LYPLA1: variants seen among roughly 807,000 people sequenced by gnomAD.
LYPLA1 encodes acyl-protein thioesterase 1.
In LYPLA1, 17 loss-of-function variants were observed where a neutral mutation model predicts 34.0. That is an observed-to-expected ratio of 0.50 (90% CI 0.34 to 0.75). The LOEUF (loss-of-function observed/expected upper bound fraction) is 0.75. Ranked by LOEUF, LYPLA1 falls within the 30% of genes least tolerant of loss-of-function variation. LYPLA1 has a pLI of 0.01. For missense variants in LYPLA1, 203 were observed against 288.8 expected (o/e 0.70, Z 2.15); for synonymous variants, 98 against 100.8 (o/e 0.97, Z 0.17).
At chr8:54,092,193 GGAGGAGGAGAAAGACGGAA>G (rs1809337032) in intron 2 of LYPLA1, among the ~76,000 whole-genome samples, 2 of 151,114 alleles carry the variant, frequency 1.3e-5, no homozygotes, top group Non-Finnish European at 3.0e-5. Context: ...AGGGGGAGGA[GGAGGAGGAGAAAGACGGAA>G]GAGAAGGAGG....
At chr8:54,043,140 G>C (rs1314791437), downstream of LYPLA1, 3 of 151,632 alleles carry the variant, frequency 2.0e-5, no homozygotes, top group African/African-American at 7.3e-5. Context: ...ATAGTTCAAT[G>C]CAGCCTCGCA....
intron 2 of LYPLA1, among the ~76,000 whole-genome samples, chr8:54,099,067 T>C (rs956144529): frequency 1.3e-5 from 2 of 152,186 alleles, no homozygotes; most frequent in Non-Finnish European, 2.9e-5. Context: ...TTTTTGATCC[T>C]AATAGTCTTC....
intron 3 of LYPLA1, among the ~76,000 whole-genome samples, chr8:54,064,485 C>G (rs779904722): frequency 3.3e-5 from 5 of 152,146 alleles, no homozygotes; most frequent in Non-Finnish European, 7.4e-5. Context: ...GACATAGCAA[C>G]CCTAGCCACA....
At chr8:54,068,128 G>C (rs138426086) in intron 2 of LYPLA1, among the ~76,000 whole-genome samples, 1 of 152,200 alleles carries the variant, frequency 6.6e-6, no homozygotes, top group African/African-American at 2.4e-5. Context: ...ATATTATATA[G>C]GAGTTTTGTG....
chr8:54,096,795 G>A (rs1809721627), intron 2 of LYPLA1, among the ~76,000 whole-genome samples: 1 of 151,808 alleles, frequency 6.6e-6, no homozygotes, highest in African/African-American at 2.4e-5. Context: ...TATAGTCCCA[G>A]CTACTTGGGA....
chr8:54,072,637 C>A (rs1243297249), intron 2 of LYPLA1, among the ~76,000 whole-genome samples: 2 of 150,902 alleles, frequency 1.3e-5, no homozygotes, highest in African/African-American at 4.9e-5. Flanking sequence ...AAAAAAAAAT[C>A]AAACAACCCC....
Position 54,047,792 on chromosome 8 carries a change from T to A in LYPLA1, c.*273A>T, listed in dbSNP as rs1215584698. 3.1e-6 allele frequency: 1 copy of A among 319,196 alleles called. No individual in the cohort carries two copies. Among genetic ancestry groups the A allele is most frequent in the African/African-American group, 2.1e-5 (1 of 46,822 alleles). 19.8% of individuals were successfully genotyped at this position (319,196 alleles called of 1,614,324 possible). On this transcript the variant is annotated 3_prime_UTR_variant, in exon 9 of 9. Transcript: ENST00000316963. ...AAATCTGGTGGCAGTACTGTATTATTTTGCTGAATTACATTTGAGAAAAAA... is the reference window on the plus strand; with the variant it reads ...AAATCTGGTGGCAGTACTGTATTATATTGCTGAATTACATTTGAGAAAAAA...
intron 2 of LYPLA1, among the ~76,000 whole-genome samples, chr8:54,095,188 G>A (rs1175242466): frequency 6.6e-6 from 1 of 152,036 alleles, no homozygotes; most frequent in African/African-American, 2.4e-5. Context: ...GTAGAGACGA[G>A]GTTTCGTCAT....
chr8:54,062,105 G>A (rs947236397), intron 5 of LYPLA1, 149 bp downstream of exon 5: 51 of 551,512 alleles, frequency 9.2e-5, no homozygotes, highest in South Asian at 1.3e-4. Flanking sequence ...TGACCCACCC[G>A]CCTCTACTTC....
chr8:54,079,941 A>T (rs559323220), intron 2 of LYPLA1, among the ~76,000 whole-genome samples: 32 of 152,250 alleles, frequency 2.1e-4, no homozygotes, highest in East Asian at 5.8e-4. Context: ...TTTCTATTTC[A>T]ATTTCTAAGT....
intron 2 of LYPLA1, among the ~76,000 whole-genome samples, chr8:54,086,429 TA>T (rs1563650287): frequency 9.9e-5 from 3 of 30,220 alleles, no homozygotes; most frequent in Non-Finnish European, 1.9e-4. Flanking sequence ...CAATAAATAC[TA>T]AAAAAATTAA....
chr8:54,062,487 C>A (rs1244012137), intron 4 of LYPLA1, among the ~76,000 whole-genome samples, 163 bp from the exon 5 acceptor site: 2 of 138,374 alleles, frequency 1.4e-5, no homozygotes, highest in Non-Finnish European at 3.1e-5. Context: ...GACGAAGTCT[C>A]ACTATTTATT....
chr8:54,071,480 T>C (rs557536728), intron 2 of LYPLA1, among the ~76,000 whole-genome samples: 1 of 152,188 alleles, frequency 6.6e-6, no homozygotes, highest in South Asian at 2.1e-4. Flanking sequence ...CGTACATATA[T>C]ATACAGGGTG....
At position 54,046,915 on chromosome 8, in the gene LYPLA1, T is replaced by A. The variant is rs1447466525; in HGVS notation, c.*1150A>T. 1.3e-5 allele frequency: 2 copies of A among 152,168 alleles called. No homozygotes were observed. Among genetic ancestry groups the A allele is most frequent in the Non-Finnish European group, 1.5e-5 (1 of 67,990 alleles). The allele number at this position is 152,168 out of a possible 1,614,324, so 9.4% of individuals were successfully genotyped here. On this transcript the variant is annotated 3_prime_UTR_variant, in exon 9 of 9. Coordinates refer to ENST00000316963, the MANE Select transcript of LYPLA1 (RefSeq NM_006330.4). Reference sequence around the variant, plus strand: ...TCAAAAACTAATACAAAAAATAATTTGACTAAAGTGAAAATTTCAAATAAG... The same window carrying A: ...TCAAAAACTAATACAAAAAATAATTAGACTAAAGTGAAAATTTCAAATAAG...
chr8:54,097,948 C>G (rs144719863), intron 2 of LYPLA1, among the ~76,000 whole-genome samples: 1 of 152,152 alleles, frequency 6.6e-6, no homozygotes, highest in Non-Finnish European at 1.5e-5. Context: ...ACAGGCTGGG[C>G]GAGGTGGCTC....
chr8:54,067,831 C>CT (rs1176211894), intron 2 of LYPLA1, among the ~76,000 whole-genome samples: 26 of 151,622 alleles, frequency 1.7e-4, no homozygotes, highest in African/African-American at 5.8e-4. Context: ...GAGTAGGCGC[C>CT]CGCCACCACA....
chr8:54,069,514 G>T (rs1188689420), intron 2 of LYPLA1, among the ~76,000 whole-genome samples: 1 of 152,148 alleles, frequency 6.6e-6, no homozygotes, highest in African/African-American at 2.4e-5. Context: ...AGGAGTTCAA[G>T]ACCTGCTTGG....
In LYPLA1 at chr8:54,049,524, G is replaced by T. The variant is rs566021336; in HGVS notation, c.640-1406C>A. Among the ~76,000 whole-genome samples the T allele has an allele frequency of 2.0e-5, 3 of 152,176 alleles. No individual in the cohort carries two copies. The South Asian group carries it at 6.2e-4, about 32-fold the overall frequency. ...AGTGATCCTCTCGCCTCAGCCTCTA[G>T]AGTAATTGGAACCACAGGTGCCCGC... is the stretch of plus-strand genomic sequence containing the variant. On this transcript the variant is annotated intron_variant, in intron 8 of 8. Coordinates refer to ENST00000316963, the MANE Select transcript of LYPLA1 (RefSeq NM_006330.4).
At chr8:54,086,438 TAAAAAAAAAAAAAA>T (rs768755796) in intron 2 of LYPLA1, among the ~76,000 whole-genome samples, 3 of 34,692 alleles carry the variant, frequency 8.6e-5, no homozygotes, top group Non-Finnish European at 1.6e-4. Flanking sequence ...CTAAAAAAAT[TAAAAAAAAAAAAAA>T]AAAAAAAAAA....
Sources: gnomAD v4.1 joint callset for allele counts (sites outside exome capture counted in the v4.1 genomes callset) on GRCh38, gnomAD v4.1.1 for gene constraint, MANE v1.5 for transcripts, NCBI Gene and HGNC (gene_info 2026-07-23, HGNC 2026-07-21) for gene names.